The following COL4A2 variants were observed in gnomAD, a reference collection of about 807,000 sequenced individuals.
The protein encoded by COL4A2 is collagen alpha-2(IV) chain.
A neutral mutation model predicts 200.2 loss-of-function variants in COL4A2; 99 were observed. The ratio of observed to expected loss-of-function variants is 0.49; its 90% CI spans 0.42 to 0.58. The LOEUF (loss-of-function observed/expected upper bound fraction) is 0.58. Ranked by LOEUF, COL4A2 falls within the 20% of genes least tolerant of loss-of-function variation. The pLI is 0.00. For synonymous variants in COL4A2, 897 were observed against 900.6 expected (o/e 1.00, Z 0.07); for missense variants, 1,950 against 2,314.1 (o/e 0.84, Z 3.23).
intron 18 of COL4A2, among the ~76,000 whole-genome samples, chr13:110,448,815 A>G (rs2391828): frequency 0.43 from 65,376 of 152,046 alleles, 14,315 homozygotes; most frequent in South Asian, 0.49. Flanking sequence ...CCTCTGGGTG[A>G]CCCTGTGAGG....
rs1880996642 is a variant in COL4A2 at position 110,438,642 on chromosome 13, G to A, written c.886G>A (p.Gly296Arg). Residue 296 changes from glycine to arginine, a missense_variant, in exon 15 of 48, where the codon GGA becomes AGA. Gly to Arg is a moderately radical substitution (Grantham distance 125). Transcript: ENST00000360467. Reference sequence around the variant, plus strand: ...GGGCATTTCCTTGAAGGGAGAAGAAGGAATCATGGGCTTTCCTGGACTGAG... The same window carrying A: ...GGGCATTTCCTTGAAGGGAGAAGAAAGAATCATGGGCTTTCCTGGACTGAG... ...IRGISLKGEE[G>R]IMGFPGLRGY... 6.2e-7 allele frequency: 1 copy of A among 1,614,200 alleles called. No homozygotes were observed. Among genetic ancestry groups the A allele is most frequent in the Non-Finnish European group, 8.5e-7 (1 of 1,180,022 alleles).
intron 45 of COL4A2, among the ~76,000 whole-genome samples, chr13:110,505,782 G>A (rs1883841052): frequency 6.6e-6 from 1 of 152,168 alleles, no homozygotes. Flanking sequence ...ATGTCTCCTG[G>A]AAGTGTCCAG....
Position 110,489,766 on chromosome 13 carries a change from G to A in COL4A2, c.3327G>A (p.Arg1109=), listed in dbSNP as rs769505238. The A allele has an allele frequency of 6.2e-7, 1 of 1,612,100 alleles. No homozygotes were observed. Among genetic ancestry groups the A allele is most frequent in the South Asian group, 1.1e-5 (1 of 90,458 alleles). Residue 1109 remains arginine (R), a synonymous_variant, in exon 36 of 48, where the codon CGG becomes CGA. Coordinates refer to ENST00000360467, the MANE Select transcript of COL4A2 (RefSeq NM_001846.4). ...LPGRPGLKGE[R]GTTGIPGLKG... ...GAAGACCAGGCCTGAAGGGGGAGCGGGGCACCACTGGAATACCAGGTACGC... is the reference window on the plus strand; with the variant it reads ...GAAGACCAGGCCTGAAGGGGGAGCGAGGCACCACTGGAATACCAGGTACGC...
At chr13:110,497,611 C>T (rs1883500945) in intron 40 of COL4A2, among the ~76,000 whole-genome samples, 1 of 98,232 alleles carries the variant, frequency 1.0e-5, no homozygotes, top group Non-Finnish European at 2.5e-5. Flanking sequence ...ACAACCTCCA[C>T]TCAGGGCTGA....
At chr13:110,410,709 C>T (rs1377875580) in intron 4 of COL4A2, among the ~76,000 whole-genome samples, 1 of 152,194 alleles carries the variant, frequency 6.6e-6, no homozygotes, top group Non-Finnish European at 1.5e-5. Flanking sequence ...AAAACAGTGA[C>T]ATCTTTCTTC....
At chr13:110,487,134 T>C (rs1356665516) in intron 34 of COL4A2, among the ~76,000 whole-genome samples, 1 of 152,228 alleles carries the variant, frequency 6.6e-6, no homozygotes, top group Non-Finnish European at 1.5e-5. Context: ...CCAGTCTGTG[T>C]GTGCTATTCA....
At chr13:110,442,469 G>A (rs1027108696) in intron 16 of COL4A2, among the ~76,000 whole-genome samples, 2 of 152,152 alleles carry the variant, frequency 1.3e-5, no homozygotes, top group Non-Finnish European at 1.5e-5. Flanking sequence ...ACTTTCATTT[G>A]TTCCCCACCC....
chr13:110,494,561 GA>G (rs113299398), intron 39 of COL4A2, among the ~76,000 whole-genome samples: 17,344 of 151,154 alleles, frequency 0.11, 1,268 homozygotes, highest in South Asian at 0.21. Flanking sequence ...GTTCAGTGGA[GA>G]AAAAAAAATT....
chr13:110,459,085 T>C, intron 22 of COL4A2, 151 bp downstream of exon 22: 1 of 733,756 alleles, frequency 1.4e-6, no homozygotes, highest in East Asian at 3.1e-5. Context: ...AAAACCCACA[T>C]ACCCCAAGGC....
rs9588137 is a variant in COL4A2 at position 110,317,858 on chromosome 13, C to T, written c.99+9735C>T. On this transcript the variant is annotated intron_variant, in intron 3 of 47. Transcript: ENST00000360467. ...GAAAGACTTACTGAAACGCTATGGG[C>T]AAAAGAGACCTTCCCAAAATTATCT... Among the ~76,000 whole-genome samples the T allele has an allele frequency of 5.0e-3, 766 of 152,304 alleles. 10 individuals carry two copies. The highest frequency in any genetic ancestry group is 0.018 in the African/African-American group (729 of 41,562).
At chr13:110,491,413 A>G (rs1883281439) in intron 37 of COL4A2, 73 bp downstream of exon 37, 11 of 984,106 alleles carry the variant, frequency 1.1e-5, no homozygotes, top group African/African-American at 6.4e-5. Flanking sequence ...GGCGGTCAAC[A>G]TTGTCAATTT....
At chr13:110,363,045 G>A (rs912128021) in intron 4 of COL4A2, among the ~76,000 whole-genome samples, 5 of 152,186 alleles carry the variant, frequency 3.3e-5, no homozygotes, top group African/African-American at 9.7e-5. Flanking sequence ...TCCAGAAACT[G>A]GTAAATATGA....
At chr13:110,381,809 C>A (rs970540924) in intron 4 of COL4A2, among the ~76,000 whole-genome samples, 3 of 152,190 alleles carry the variant, frequency 2.0e-5, no homozygotes, top group Non-Finnish European at 4.4e-5. Flanking sequence ...GCATCATCAT[C>A]TTCATATCAT....
At chr13:110,491,001 C>G (rs906140447) in intron 36 of COL4A2, among the ~76,000 whole-genome samples, 1 of 152,130 alleles carries the variant, frequency 6.6e-6, no homozygotes. Context: ...CCTGTTTTCC[C>G]TAAGACAGTG....
At chr13:110,455,173 C>G (rs1051596117) in intron 20 of COL4A2, among the ~76,000 whole-genome samples, 69 of 152,158 alleles carry the variant, frequency 4.5e-4, no homozygotes, top group African/African-American at 1.6e-3. Context: ...CATGGCAGAC[C>G]GCGTAGCCTC....
At chr13:110,343,807 A>AT (rs1301578489) in intron 3 of COL4A2, among the ~76,000 whole-genome samples, 2 of 152,222 alleles carry the variant, frequency 1.3e-5, no homozygotes, top group East Asian at 3.9e-4. Context: ...TGCTTTTCAG[A>AT]TTTTTTTCTC....
At chr13:110,356,664 C>T (rs751551440) in intron 3 of COL4A2, among the ~76,000 whole-genome samples, 5 of 152,226 alleles carry the variant, frequency 3.3e-5, no homozygotes, top group Admixed American at 6.5e-5. Context: ...ATGCCACAGG[C>T]CTGCTCCTTC....
Position 110,503,345 on chromosome 13 carries a change from C to T in COL4A2, c.4040-38C>T, listed in dbSNP as rs1415297921. ...CACAGTGAGAGGAGCCCCCTCCCCA[C>T]AGACTTTCGTGTCCCTAACGTCTTG... On this transcript the variant is annotated intron_variant, in intron 42 of 47. Transcript: ENST00000360467. 2.5e-6 allele frequency: 4 copies of T among 1,586,942 alleles called. No homozygotes were observed. The African/African-American group carries it at 4.1e-5, about 16-fold the overall frequency.
intron 3 of COL4A2, among the ~76,000 whole-genome samples, chr13:110,310,071 C>G (rs1301368187): frequency 1.3e-5 from 2 of 152,218 alleles, no homozygotes; most frequent in Admixed American, 1.3e-4. Context: ...GCCCCAGTTT[C>G]CGTACTCTGA....
Sources: gnomAD v4.1 joint callset for allele counts (sites outside exome capture counted in the v4.1 genomes callset) on GRCh38, gnomAD v4.1.1 for gene constraint, MANE v1.5 for transcripts, NCBI Gene and HGNC (gene_info 2026-07-23, HGNC 2026-07-21) for gene names.